Variants in RBM41 observed in about 807,000 individuals in gnomAD.
RBM41 encodes the protein RNA-binding protein 41.
A neutral mutation model predicts 30.8 loss-of-function variants in RBM41; 14 were observed. That is an observed-to-expected ratio of 0.45 (90% CI 0.30 to 0.71). RBM41 has a LOEUF of 0.71. Among genes scored for constraint, RBM41 ranks in the 30% least tolerant of loss-of-function variants. The pLI, the probability that RBM41 is intolerant of heterozygous loss-of-function variation, is 0.08. For synonymous variants in RBM41, 120 were observed against 110.1 expected (o/e 1.09, Z -0.56); for missense variants, 276 against 326.3 (o/e 0.85, Z 1.19).
In RBM41 at chrX:107,096,922, G is replaced by A. The variant is rs1923034198; in HGVS notation, c.596-8083C>T. 2.7e-5 allele frequency among the ~76,000 whole-genome samples: 3 copies of A among 111,865 alleles called. No homozygotes were observed. In the Admixed American group the frequency reaches 2.8e-4, roughly 11 times the overall value. ...AAAAAATGGGCAAAAGACTTGAATA[G>A]ACATTTCACCAAAAAAGACATATTG... On this transcript the variant is annotated intron_variant, in intron 5 of 7. Coordinates refer to ENST00000685964, the MANE Select transcript of RBM41 (RefSeq NM_001324242.2).
At chrX:107,101,326 C>T (rs975338441) in intron 5 of RBM41, among the ~76,000 whole-genome samples, 1 of 111,406 alleles carries the variant, frequency 9.0e-6, no homozygotes, top group Non-Finnish European at 1.9e-5. Flanking sequence ...GGTGAACAAG[C>T]GGCAACAAGT....
At chrX:107,082,043 C>G (rs912899115) in intron 6 of RBM41, among the ~76,000 whole-genome samples, 1 of 111,643 alleles carries the variant, frequency 9.0e-6, no homozygotes, top group Non-Finnish European at 1.9e-5. Flanking sequence ...GCTGGTACTT[C>G]TAGTACAGTG....
At chrX:107,055,942 CAACT>C in the RBM41 span, among the ~76,000 whole-genome samples, 1 of 112,134 alleles carries the variant, frequency 8.9e-6, no homozygotes, top group African/African-American at 3.2e-5. Context: ...TAGGTTACCA[CAACT>C]AACATCATAC....
downstream of RBM41, among the ~76,000 whole-genome samples, chrX:107,057,762 A>C (rs1935599221): frequency 8.9e-6 from 1 of 112,103 alleles, no homozygotes; most frequent in African/African-American, 3.2e-5. Flanking sequence ...CAAAGGAAAC[A>C]ATCAACAGAG....
chrX:107,084,848 G>A lies in RBM41; in HGVS notation c.999+3588C>T, dbSNP rs763183026. ...TGCTCAACTGTTTTTCTTATTGTAA[G>A]ACAGGAGTGATGACTTCTAAGGACT... On this transcript the variant is annotated intron_variant, in intron 6 of 7. Transcript: ENST00000685964. Among the ~76,000 whole-genome samples the A allele has an allele frequency of 3.7e-4, 41 of 112,232 alleles. 1 individual carries two copies. The South Asian group carries it at 0.01, about 29-fold the overall frequency.
chrX:107,070,903 C>T (rs755293163), intron 6 of RBM41, among the ~76,000 whole-genome samples: 3 of 108,535 alleles, frequency 2.8e-5, no homozygotes, highest in Non-Finnish European at 5.7e-5. Flanking sequence ...AAACAGCATG[C>T]ACCACCACAA....
At chrX:107,104,364 A>G (rs1371049237) in intron 5 of RBM41, among the ~76,000 whole-genome samples, 1 of 111,428 alleles carries the variant, frequency 9.0e-6, no homozygotes, top group African/African-American at 3.3e-5. Flanking sequence ...GATTTGTGAT[A>G]AGGCAAAATA....
the RBM41 span, among the ~76,000 whole-genome samples, chrX:107,055,411 G>A: frequency 1.3e-4 from 14 of 111,439 alleles, no homozygotes; most frequent in African/African-American, 4.6e-4. Context: ...TGCAAGCTCC[G>A]CCTCCCAGGT....
chrX:107,115,695 G>C, intron 3 of RBM41, 139 bp from the exon 4 acceptor site: 4 of 869,411 alleles, frequency 4.6e-6, no homozygotes, highest in Non-Finnish European at 6.4e-6. Context: ...TTAAAGAACA[G>C]CTTCTCTTTT....
chrX:107,116,807 C>G (rs1246353518), intron 1 of RBM41, 41 bp from the exon 2 acceptor site: 1 of 1,126,617 alleles, frequency 8.9e-7, no homozygotes, highest in Admixed American at 2.4e-5. Context: ...ACGGAAGAGA[C>G]TGTGAGTCTC....
At chrX:107,116,874 A>T in intron 1 of RBM41, 108 bp from the exon 2 acceptor site, 2 of 744,979 alleles carry the variant, frequency 2.7e-6, no homozygotes, top group Non-Finnish European at 1.9e-6. Flanking sequence ...ATTCAAAGAC[A>T]CTTCTCCAAC....
the RBM41 span, among the ~76,000 whole-genome samples, chrX:107,052,956 T>C: frequency 8.9e-6 from 1 of 112,266 alleles, no homozygotes; most frequent in Non-Finnish European, 1.9e-5. Flanking sequence ...AGGTTCCCCC[T>C]CTTTTGGCGG....
At chrX:107,059,635 G>T (rs1023685732), downstream of RBM41, among the ~76,000 whole-genome samples, 3 of 111,599 alleles carry the variant, frequency 2.7e-5, no homozygotes, top group South Asian at 3.8e-4. Flanking sequence ...CCAGGTTTTT[G>T]CTATTACGAT....
chrX:107,098,861 C>T (rs1452263654), intron 5 of RBM41, among the ~76,000 whole-genome samples: 1 of 109,942 alleles, frequency 9.1e-6, no homozygotes, highest in Non-Finnish European at 1.9e-5. Context: ...ATTAGCTGGC[C>T]GTGGTGGCGC....
chrX:107,074,885 C>A (rs951774213), intron 6 of RBM41, among the ~76,000 whole-genome samples: 1 of 111,874 alleles, frequency 8.9e-6, no homozygotes, highest in African/African-American at 3.3e-5. Flanking sequence ...GTCCCAATGG[C>A]ATTTTTTACA....
At chrX:107,061,202 G>A (rs1162421313), downstream of RBM41, among the ~76,000 whole-genome samples, 1 of 111,754 alleles carries the variant, frequency 8.9e-6, no homozygotes, top group East Asian at 2.8e-4. Context: ...ATTAAAATAA[G>A]GTCTAATAGT....
chrX:107,080,288 A>C (rs1214126162), intron 6 of RBM41, among the ~76,000 whole-genome samples: 3 of 111,097 alleles, frequency 2.7e-5, no homozygotes, highest in African/African-American at 9.8e-5. Flanking sequence ...TAAAAAAAAA[A>C]AAAACTGCAG....
intron 6 of RBM41, among the ~76,000 whole-genome samples, chrX:107,081,943 A>G (rs192580346): frequency 8.9e-6 from 1 of 112,195 alleles, no homozygotes; most frequent in East Asian, 2.8e-4. Flanking sequence ...TTCTACACAG[A>G]CATACGTGTT....
Position 107,116,532 on chromosome X carries a change from T to C in RBM41, c.125+118A>G, listed in dbSNP as rs1005094093. On this transcript the variant is annotated intron_variant, in intron 2 of 7. Transcript: ENST00000685964. ...CAGAATTAAAACCCTACCTAATACA[T>C]TGAAGTCTAACAAAGAAAGGGAGGT... 23 of 1,062,562 alleles carry C rather than the reference T, an allele frequency of 2.2e-5. No individual in the cohort carries two copies. The East Asian group carries it at 3.1e-4, about 14-fold the overall frequency. The allele number at this position is 1,062,562 out of a possible 1,213,427, so 87.6% of individuals were successfully genotyped here.
Sources: gnomAD v4.1 joint callset for allele counts (sites outside exome capture counted in the v4.1 genomes callset) on GRCh38, gnomAD v4.1.1 for gene constraint, MANE v1.5 for transcripts, NCBI Gene and HGNC (gene_info 2026-07-23, HGNC 2026-07-21) for gene names.